Variants in COMMD10 observed in about 807,000 individuals in gnomAD.
COMMD10 encodes COMM domain containing 10, also known as COMM domain-containing protein 10.
A neutral mutation model predicts 28.9 loss-of-function variants in COMMD10; 33 were observed. The observed-to-expected ratio is 1.14, with a 90% CI of 0.87 to 1.53. COMMD10 has a LOEUF of 1.53. COMMD10 is among the 40% of genes most tolerant of loss of function. The pLI is 0.00. For synonymous variants in COMMD10, 110 were observed against 81.7 expected (o/e 1.35, Z -1.87); for missense variants, 310 against 233.4 (o/e 1.33, Z -2.14).
At chr5:116,256,240 C>T (rs369555468) in intron 5 of COMMD10, among the ~76,000 whole-genome samples, 64 of 151,724 alleles carry the variant, frequency 4.2e-4, no homozygotes, top group African/African-American at 8.0e-4. Context: ...TTTGAATCAC[C>T]GTTCGGACAG....
intron 5 of COMMD10, among the ~76,000 whole-genome samples, chr5:116,244,597 A>AGT (rs1749891806): frequency 6.6e-6 from 1 of 151,104 alleles, no homozygotes; most frequent in Non-Finnish European, 1.5e-5. Context: ...GAATCTTAAA[A>AGT]GTAAGGTATT....
intron 5 of COMMD10, among the ~76,000 whole-genome samples, chr5:116,258,091 A>G (rs1750341172): frequency 6.6e-6 from 1 of 151,818 alleles, no homozygotes; most frequent in South Asian, 2.1e-4. Context: ...ATTTGAAGAA[A>G]AGCAAATTCA....
At chr5:116,174,011 A>T (rs1281374549) in intron 5 of COMMD10, among the ~76,000 whole-genome samples, 1 of 152,070 alleles carries the variant, frequency 6.6e-6, no homozygotes, top group Admixed American at 6.6e-5. Context: ...CTCTTAGAGC[A>T]TTCATTCTAA....
intron 4 of COMMD10, among the ~76,000 whole-genome samples, chr5:116,097,300 A>G (rs1418402807): frequency 1.3e-5 from 2 of 150,954 alleles, no homozygotes; most frequent in Admixed American, 6.6e-5. Context: ...CTTAAATAAT[A>G]TAATGATAAC....
intron 4 of COMMD10, among the ~76,000 whole-genome samples, chr5:116,109,926 A>G (rs1750987588): frequency 2.6e-5 from 4 of 152,190 alleles, no homozygotes. Flanking sequence ...GAGTAGTGAA[A>G]ATGGGCATCC....
At chr5:116,145,800 C>T (rs1403466403) in intron 5 of COMMD10, among the ~76,000 whole-genome samples, 1 of 151,884 alleles carries the variant, frequency 6.6e-6, no homozygotes. Flanking sequence ...TACCCCTTTG[C>T]TCAGCACTTC....
intron 5 of COMMD10, among the ~76,000 whole-genome samples, chr5:116,170,740 G>A (rs1753299536): frequency 1.3e-5 from 2 of 151,892 alleles, no homozygotes; most frequent in South Asian, 4.1e-4. Context: ...TGGGGAAAGG[G>A]TATTCTATTT....
At chr5:116,223,331 A>G (rs1749313134) in intron 5 of COMMD10, among the ~76,000 whole-genome samples, 2 of 149,390 alleles carry the variant, frequency 1.3e-5, no homozygotes, top group African/African-American at 5.1e-5. Flanking sequence ...AGAGAAAAAA[A>G]GTTCTTATTA....
intron 5 of COMMD10, among the ~76,000 whole-genome samples, chr5:116,266,792 A>G (rs971093886): frequency 6.6e-6 from 1 of 151,888 alleles, no homozygotes; most frequent in African/African-American, 2.4e-5. Context: ...CTGGTTCAAC[A>G]TACGCAAATC....
intron 5 of COMMD10, among the ~76,000 whole-genome samples, chr5:116,272,421 G>T (rs1018598066): frequency 6.6e-6 from 1 of 151,836 alleles, no homozygotes. Context: ...TTTCTTAGGT[G>T]TTTTTCTGCC....
At chr5:116,159,585 A>G (rs1183899392) in intron 5 of COMMD10, among the ~76,000 whole-genome samples, 4 of 152,210 alleles carry the variant, frequency 2.6e-5, no homozygotes, top group African/African-American at 7.2e-5. Flanking sequence ...AAAGGCTTGT[A>G]TGCAGTGCAG....
intron 6 of COMMD10, 58 bp downstream of exon 6, chr5:116,291,634 T>C: frequency 2.1e-6 from 2 of 973,722 alleles, no homozygotes; most frequent in Non-Finnish European, 3.0e-6. Flanking sequence ...ATATTTTGTT[T>C]CATTTTATGA....
chr5:116,192,445 T>C (rs1301760187), intron 5 of COMMD10, among the ~76,000 whole-genome samples: 2 of 151,952 alleles, frequency 1.3e-5, no homozygotes, highest in Admixed American at 1.3e-4. Flanking sequence ...GGGGGAAATA[T>C]TCAAGGAAAT....
intron 5 of COMMD10, among the ~76,000 whole-genome samples, chr5:116,281,556 A>G (rs1015916429): frequency 6.6e-6 from 1 of 151,698 alleles, no homozygotes; most frequent in African/African-American, 2.4e-5. Flanking sequence ...AGCATAGACA[A>G]TATAAGTAAT....
At chr5:116,088,788 C>G (rs933216252) in intron 2 of COMMD10, among the ~76,000 whole-genome samples, 2 of 152,286 alleles carry the variant, frequency 1.3e-5, no homozygotes, top group Middle Eastern at 3.4e-3. Context: ...TTCTGTGCTC[C>G]TAGTTCATTC....
chr5:116,209,109 G>A (rs551977521), intron 5 of COMMD10, among the ~76,000 whole-genome samples: 50 of 151,716 alleles, frequency 3.3e-4, no homozygotes, highest in African/African-American at 1.0e-3. Flanking sequence ...AAAGCGATAC[G>A]TTTAGATCAA....
At chr5:116,168,590 CA>C (rs1349855950) in intron 5 of COMMD10, among the ~76,000 whole-genome samples, 1 of 152,162 alleles carries the variant, frequency 6.6e-6, no homozygotes, top group Non-Finnish European at 1.5e-5. Flanking sequence ...GGAAGTAAAA[CA>C]GTCCTCAGCA....
At chr5:116,183,857 T>C (rs1016324113) in intron 5 of COMMD10, among the ~76,000 whole-genome samples, 1 of 152,146 alleles carries the variant, frequency 6.6e-6, no homozygotes, top group African/African-American at 2.4e-5. Context: ...TATACGTGAA[T>C]AGAATTAGTG....
At chr5:116,239,773 G>T (rs1016578285) in intron 5 of COMMD10, among the ~76,000 whole-genome samples, 4 of 152,080 alleles carry the variant, frequency 2.6e-5, no homozygotes, top group African/African-American at 9.7e-5. Flanking sequence ...ATAAGAGCAG[G>T]GTGCTACATT....
Sources: allele counts gnomAD v4.1 joint callset (sites outside exome capture counted in the v4.1 genomes callset), GRCh38; gene constraint gnomAD v4.1.1; transcripts MANE v1.5; gene names NCBI Gene and HGNC (gene_info 2026-07-23, HGNC 2026-07-21).